The following TAFA1 variants were observed in gnomAD, a reference collection of about 807,000 sequenced individuals.
TAFA1 encodes the protein TAFA chemokine like family member 1.
TAFA1 carries 4 observed loss-of-function variants against 18.5 expected under a neutral mutation model. That is an observed-to-expected ratio of 0.22 (90% CI 0.11 to 0.49). TAFA1 has a LOEUF of 0.49. Among genes scored for constraint, TAFA1 ranks in the 20% least tolerant of loss-of-function variants. The pLI is 0.98. For synonymous variants in TAFA1, 56 were observed against 55.2 expected, an observed-to-expected ratio of 1.01 and a Z score of -0.06; for missense variants, 147 against 169.0, an observed-to-expected ratio of 0.87 and a Z score of 0.72.
chr3:68,492,729 C>T (rs866908438), intron 3 of TAFA1, among the ~76,000 whole-genome samples: 12 of 151,588 alleles, frequency 7.9e-5, no homozygotes, highest in African/African-American at 1.2e-4. Context: ...TAGTTTTTTT[C>T]TTCTTCTTCT....
At chr3:68,476,134 G>A (rs909960217) in intron 3 of TAFA1, among the ~76,000 whole-genome samples, 7 of 152,056 alleles carry the variant, frequency 4.6e-5, no homozygotes, top group Non-Finnish European at 8.8e-5. Flanking sequence ...CTAAAACACC[G>A]AAAGCAATGG....
rs1704723454 is a variant in TAFA1 at position 68,022,840 on chromosome 3, TA to T, written c.118+16097del. On this transcript the variant is annotated intron_variant, in intron 2 of 4. Coordinates refer to ENST00000478136, the MANE Select transcript of TAFA1 (RefSeq NM_213609.4). ...ATATATATTATATATAATATATATA[TA>T]TTATATATATATATATATAAAATTA... Among the ~76,000 whole-genome samples, 28 of 23,548 alleles carry T rather than the reference TA, an allele frequency of 1.2e-3. 1 individual carries two copies. In the East Asian group the frequency reaches 0.014, roughly 11 times the overall value. 15.4% of individuals were successfully genotyped at this position (23,548 alleles called of 152,430 possible).
chr3:68,309,162 T>G (rs934876255), intron 2 of TAFA1, among the ~76,000 whole-genome samples: 5 of 152,188 alleles, frequency 3.3e-5, no homozygotes, highest in Non-Finnish European at 7.3e-5. Flanking sequence ...CTGAAAGCTC[T>G]GTAAAAGTGA....
Position 68,471,531 on chromosome 3 carries a change from A to G in TAFA1, c.259+54111A>G, listed in dbSNP as rs577409933. Among the ~76,000 whole-genome samples, 82 of 152,278 alleles carry G rather than the reference A, an allele frequency of 5.4e-4. No homozygotes were observed. The Middle Eastern group carries it at 0.014, about 25-fold the overall frequency. On this transcript the variant is annotated intron_variant, in intron 3 of 4. Coordinates refer to ENST00000478136, the MANE Select transcript of TAFA1 (RefSeq NM_213609.4). ...CACTTCTTGTATCAGCATGCCCTGGATGTGAGAACTTGGAGTCCGACGTTC... is the reference window on the plus strand; with the variant it reads ...CACTTCTTGTATCAGCATGCCCTGGGTGTGAGAACTTGGAGTCCGACGTTC...
chr3:68,079,572 C>G (rs998154841), intron 2 of TAFA1, among the ~76,000 whole-genome samples: 4 of 151,982 alleles, frequency 2.6e-5, no homozygotes, highest in African/African-American at 9.7e-5. Context: ...CGTTATGTAC[C>G]TAGTAGTCAT....
At chr3:68,339,735 C>A (rs2069047537) in intron 2 of TAFA1, among the ~76,000 whole-genome samples, 1 of 152,154 alleles carries the variant, frequency 6.6e-6, no homozygotes, top group South Asian at 2.1e-4. Flanking sequence ...TAAGATATTG[C>A]AATCTTTTTT....
intron 2 of TAFA1, among the ~76,000 whole-genome samples, chr3:68,343,823 CATTT>C (rs199671538): frequency 0.027 from 4,187 of 152,260 alleles, 73 homozygotes; most frequent in Non-Finnish European, 0.04. Context: ...CTGATTCTGA[CATTT>C]AAGAAGTGTG....
intron 3 of TAFA1, among the ~76,000 whole-genome samples, chr3:68,498,060 G>T (rs554335758): frequency 6.6e-6 from 1 of 152,198 alleles, no homozygotes; most frequent in African/African-American, 2.4e-5. Flanking sequence ...CTTTACCAAC[G>T]TAGCTTGAGG....
rs141387148 is a variant in TAFA1 at position 68,538,850 on chromosome 3, C to T, written c.354C>T (p.Cys118=). ...KTLPDNSGWM[C]ATGNKIKTTR... The stretch of plus-strand genomic sequence containing the variant: ...TCCCTGACAATTCTGGATGGATGTG[C>T]GCAACAGGCAACAAAATTAAGACCA... Residue 118 remains cysteine, a synonymous_variant, in exon 4 of 5, where the codon TGC becomes TGT. Transcript: ENST00000478136. The T allele has an allele frequency of 0.013, 21,757 of 1,613,294 alleles. 191 individuals are homozygous for T. The highest frequency in any genetic ancestry group is 0.016 in the Non-Finnish European group (19,218 of 1,179,486).
At chr3:68,035,729 G>A (rs139278153) in intron 2 of TAFA1, among the ~76,000 whole-genome samples, 283 of 152,318 alleles carry the variant, frequency 1.9e-3, no homozygotes, top group African/African-American at 6.6e-3. Flanking sequence ...AAACATGTGT[G>A]AATATTGATA....
intron 2 of TAFA1, among the ~76,000 whole-genome samples, chr3:68,049,668 G>C (rs577936891): frequency 1.1e-4 from 17 of 151,814 alleles, no homozygotes; most frequent in African/African-American, 3.9e-4. Flanking sequence ...GAGGTGTACA[G>C]ATGTTAATTT....
At chr3:68,442,788 A>G (rs959656052) in intron 3 of TAFA1, among the ~76,000 whole-genome samples, 1 of 152,200 alleles carries the variant, frequency 6.6e-6, no homozygotes, top group Non-Finnish European at 1.5e-5. Flanking sequence ...GTGCCTGCAG[A>G]AAAGAATAGA....
chr3:68,543,727 T>C (rs556876270), intron 4 of TAFA1, among the ~76,000 whole-genome samples: 1 of 152,264 alleles, frequency 6.6e-6, no homozygotes, highest in South Asian at 2.1e-4. Context: ...TCTATTAGAA[T>C]TGTTATTTAT....
intron 2 of TAFA1, among the ~76,000 whole-genome samples, chr3:68,130,302 G>C (rs956219010): frequency 6.6e-6 from 1 of 152,046 alleles, no homozygotes; most frequent in Non-Finnish European, 1.5e-5. Flanking sequence ...AGAATTTTAG[G>C]CACTAGAGCA....
intron 3 of TAFA1, among the ~76,000 whole-genome samples, chr3:68,458,697 G>A (rs2071712686): frequency 6.6e-6 from 1 of 152,022 alleles, no homozygotes; most frequent in Admixed American, 6.5e-5. Context: ...GATGTCTTAT[G>A]TACAAACATT....
chr3:68,364,868 CTG>C (rs1422285789), intron 2 of TAFA1, among the ~76,000 whole-genome samples: 5 of 152,210 alleles, frequency 3.3e-5, no homozygotes, highest in Admixed American at 6.5e-5. Flanking sequence ...AATGAAGAAA[CTG>C]AGGCACAGAG....
intron 2 of TAFA1, among the ~76,000 whole-genome samples, chr3:68,213,221 A>G (rs2107072375): frequency 6.6e-6 from 1 of 152,170 alleles, no homozygotes; most frequent in East Asian, 1.9e-4. Flanking sequence ...GACTACCAAG[A>G]GACTTGAAAA....
intron 2 of TAFA1, among the ~76,000 whole-genome samples, chr3:68,206,464 G>C (rs1424986061): frequency 6.6e-6 from 1 of 151,596 alleles, no homozygotes; most frequent in African/African-American, 2.4e-5. Context: ...AAATATAATA[G>C]TTCCCAAATG....
At chr3:68,113,581 A>G (rs982604405) in intron 2 of TAFA1, among the ~76,000 whole-genome samples, 2 of 152,226 alleles carry the variant, frequency 1.3e-5, no homozygotes, top group South Asian at 2.1e-4. Flanking sequence ...TGTCTTCATT[A>G]AATGATTTCA....
Sources: gnomAD v4.1 joint callset for allele counts (sites outside exome capture counted in the v4.1 genomes callset) on GRCh38, gnomAD v4.1.1 for gene constraint, MANE v1.5 for transcripts, NCBI Gene and HGNC (gene_info 2026-07-23, HGNC 2026-07-21) for gene names.